Variants in NWD1 observed in about 807,000 individuals in gnomAD.
The protein encoded by NWD1 is NACHT and WD repeat domain containing 1, also known as NACHT domain- and WD repeat-containing protein 1.
A neutral mutation model predicts 135.1 loss-of-function variants in NWD1; 129 were observed. That is an observed-to-expected ratio of 0.96 (90% CI 0.83 to 1.11). The LOEUF (loss-of-function observed/expected upper bound fraction) is 1.11, where lower values mean the gene tolerates loss of function less well. NWD1 is among the 50% of genes least tolerant of loss of function. NWD1 has a pLI of 0.00. For synonymous variants in NWD1, 773 were observed against 786.0 expected (o/e 0.98, Z 0.28); for missense variants, 1,740 against 1,851.3 (o/e 0.94, Z 1.10).
At chr19:16,761,372 C>G (rs905090749) in intron 7 of NWD1, among the ~76,000 whole-genome samples, 2 of 151,788 alleles carry the variant, frequency 1.3e-5, no homozygotes, top group African/African-American at 4.8e-5. Flanking sequence ...TTCTTTCCTT[C>G]TTTCTCTTTT....
chr19:16,731,771 T>C (rs1643108920), intron 3 of NWD1, among the ~76,000 whole-genome samples: 1 of 151,558 alleles, frequency 6.6e-6, no homozygotes, highest in South Asian at 2.1e-4. Context: ...CGCCCCTCTA[T>C]CCATACTCTT....
At chr19:16,803,008 A>G (rs1280265859) in intron 17 of NWD1, among the ~76,000 whole-genome samples, 1 of 152,024 alleles carries the variant, frequency 6.6e-6, no homozygotes, top group South Asian at 2.1e-4. Context: ...AAGAGGTTTA[A>G]TGGACTCACA....
At chr19:16,786,175 T>A (rs929807742) in intron 12 of NWD1, among the ~76,000 whole-genome samples, 3 of 140,442 alleles carry the variant, frequency 2.1e-5, no homozygotes, top group African/African-American at 3.2e-5. Flanking sequence ...ATTTTTATTA[T>A]TTTTACTTTT....
intron 18 of NWD1, among the ~76,000 whole-genome samples, chr19:16,808,549 AAAAAGAAAAG>A (rs537771096): frequency 1.1e-4 from 17 of 151,970 alleles, no homozygotes; most frequent in African/African-American, 3.6e-4. Flanking sequence ...CGTTTAAAAA[AAAAAGAAAAG>A]AAAAGAAAAG....
At chr19:16,722,148 A>C (rs548117164) in intron 1 of NWD1, among the ~76,000 whole-genome samples, 1 of 151,242 alleles carries the variant, frequency 6.6e-6, no homozygotes, top group Non-Finnish European at 1.5e-5. Flanking sequence ...CAACTAAAAA[A>C]CTAGCTAGGC....
intron 3 of NWD1, among the ~76,000 whole-genome samples, chr19:16,733,931 A>G (rs28431450): frequency 0.37 from 54,825 of 149,686 alleles, 11,384 homozygotes; most frequent in African/African-American, 0.56. Context: ...GCCTCTCACC[A>G]CTTGTCTTAA....
chr19:16,803,923 A>G (rs1326301102), intron 17 of NWD1, among the ~76,000 whole-genome samples: 1 of 150,860 alleles, frequency 6.6e-6, no homozygotes, highest in African/African-American at 2.4e-5. Context: ...AGACTCCACC[A>G]CCCGAAAAAA....
intron 14 of NWD1, among the ~76,000 whole-genome samples, chr19:16,792,738 G>A (rs1970289422): frequency 6.6e-6 from 1 of 151,516 alleles, no homozygotes; most frequent in African/African-American, 2.4e-5. Flanking sequence ...TTAGCCGGGT[G>A]TGGTGGTGGG....
chr19:16,773,150 T>A lies in NWD1; in HGVS notation c.2435T>A (p.Leu812Gln), dbSNP rs1364275370. The A allele has an allele frequency of 6.2e-7, 1 of 1,613,952 alleles. No homozygotes were observed. The highest frequency in any genetic ancestry group is 8.5e-7 in the Non-Finnish European group (1 of 1,180,036). Residue 812 changes from leucine to glutamine, a missense_variant, in exon 11 of 19, where the codon CTG (leucine) becomes CAG (glutamine). Leu to Gln is a moderately radical substitution (Grantham distance 113, BLOSUM62 -2). Coordinates refer to ENST00000524140, the MANE Select transcript of NWD1 (RefSeq NM_001007525.5). The stretch of plus-strand genomic sequence containing the variant: ...GAGAGGAGCCTCCTGTACACAGAAC[T>A]GCTGGCCAGACTCCATTTCTTCGCC... ...GMERSLLYTE[L>Q]LARLHFFATS...
chr19:16,809,938 C>G (rs982769924), intron 18 of NWD1, among the ~76,000 whole-genome samples: 4 of 152,122 alleles, frequency 2.6e-5, no homozygotes, highest in African/African-American at 2.4e-5. Context: ...GGTTGCTTTT[C>G]TATCACCCCT....
chr19:16,720,327 T>C (rs1185478562), intron 1 of NWD1, 34 bp downstream of exon 1: 1 of 152,112 alleles, frequency 6.6e-6, no homozygotes, highest in East Asian at 1.9e-4. Flanking sequence ...AATAAGGCGA[T>C]GGCATTGGGA....
intron 6 of NWD1, among the ~76,000 whole-genome samples, chr19:16,757,246 A>G (rs918500643): frequency 6.6e-6 from 1 of 152,006 alleles, no homozygotes; most frequent in Non-Finnish European, 1.5e-5. Flanking sequence ...CCTACAACAC[A>G]CAGGACGGTC....
chr19:16,749,869 C>CCA lies in NWD1; in HGVS notation c.1231_1232dup (p.Arg412ProfsTer82), dbSNP rs1968492939. The CCA allele has an allele frequency of 6.2e-7, 1 of 1,613,296 alleles. No homozygotes were observed. Among genetic ancestry groups the CCA allele is most frequent in the African/African-American group, 1.3e-5 (1 of 74,932 alleles). On this transcript the variant is annotated frameshift_variant, in exon 6 of 19. Transcript: ENST00000524140. LOFTEE classifies it high-confidence loss of function. The stretch of plus-strand genomic sequence containing the variant: ...TGCCCCCTGCCCAGGTTCTGGACGC[C>CCA]CACACCAGGGTGGTCCAGTTTTTCC...
At chr19:16,774,890 C>G (rs1287170286) in intron 11 of NWD1, among the ~76,000 whole-genome samples, 3 of 152,250 alleles carry the variant, frequency 2.0e-5, no homozygotes, top group Non-Finnish European at 1.5e-5. Context: ...CATTCATCAA[C>G]TTTCTCACTT....
At chr19:16,732,216 CAAAA>C (rs59934633) in intron 3 of NWD1, among the ~76,000 whole-genome samples, 138 of 114,744 alleles carry the variant, frequency 1.2e-3, no homozygotes, top group African/African-American at 2.4e-3. Context: ...GACTCCGTCT[CAAAA>C]AAAAAAAAAA....
At chr19:16,730,911 C>CTTTTTT (rs11445714) in intron 2 of NWD1, among the ~76,000 whole-genome samples, 1 of 122,866 alleles carries the variant, frequency 8.1e-6, no homozygotes, top group Non-Finnish European at 1.7e-5. Context: ...TTCTTTCTTT[C>CTTTTTT]TTTTTTTTTT....
rs542828388 is a variant in NWD1, at chr19:16,740,221, C to T, written c.198+3471C>T. Reference sequence around the variant, plus strand: ...GGCTGAGATGGGAAAATCCCTTGAGCCCAGAAGTCTGAGGTGGCAGTGAAC... The same window carrying T: ...GGCTGAGATGGGAAAATCCCTTGAGTCCAGAAGTCTGAGGTGGCAGTGAAC... On this transcript the variant is annotated intron_variant, in intron 4 of 18. Coordinates refer to ENST00000524140, the MANE Select transcript of NWD1 (RefSeq NM_001007525.5). Among the ~76,000 whole-genome samples the T allele has an allele frequency of 2.6e-5, 4 of 151,912 alleles. 1 individual carries two copies. In the East Asian group the frequency reaches 7.7e-4, roughly 29 times the overall value.
chr19:16,748,838 T>G (rs113060599), intron 5 of NWD1, among the ~76,000 whole-genome samples: 15,009 of 151,252 alleles, frequency 0.099, 815 homozygotes, highest in African/African-American at 0.14. Context: ...ATAATAATAA[T>G]AAGAAGAAGA....
intron 6 of NWD1, among the ~76,000 whole-genome samples, 159 bp from the exon 7 acceptor site, chr19:16,759,066 A>T (rs1968906419): frequency 6.6e-6 from 1 of 150,978 alleles, no homozygotes; most frequent in Admixed American, 6.6e-5. Flanking sequence ...TATTGCCCTA[A>T]CCGTGCTTGG....
Sources: allele counts gnomAD v4.1 joint callset (sites outside exome capture counted in the v4.1 genomes callset), GRCh38; gene constraint gnomAD v4.1.1; transcripts MANE v1.5; gene names NCBI Gene and HGNC (gene_info 2026-07-23, HGNC 2026-07-21).